Variants in NPAS3 observed in about 807,000 individuals in gnomAD.
The protein encoded by NPAS3 is neuronal PAS domain-containing protein 3.
In NPAS3, 14 loss-of-function variants were observed where a neutral mutation model predicts 73.1. That is an observed-to-expected ratio of 0.19 (90% CI 0.13 to 0.30). The LOEUF is 0.30. Ranked by LOEUF, NPAS3 falls within the 10% of genes least tolerant of loss-of-function variation. The pLI, the probability that NPAS3 is intolerant of heterozygous loss-of-function variation, is 1.00. For missense variants in NPAS3, 1,096 were observed against 1,250.0 expected (o/e 0.88, Z 1.86); for synonymous variants, 620 against 541.5 (o/e 1.14, Z -2.01).
intron 3 of NPAS3, among the ~76,000 whole-genome samples, chr14:33,220,652 C>A (rs2047390504): frequency 6.6e-6 from 1 of 152,122 alleles, no homozygotes; most frequent in South Asian, 2.1e-4. Context: ...GAGAGTATGT[C>A]TCTGAGACTC....
chr14:33,252,608 A>T (rs897834910), intron 3 of NPAS3, among the ~76,000 whole-genome samples: 2 of 151,356 alleles, frequency 1.3e-5, no homozygotes, highest in Non-Finnish European at 3.0e-5. Flanking sequence ...TTACTATTAC[A>T]TATGTTATTT....
At chr14:33,441,557 A>G (rs1185741077) in intron 4 of NPAS3, among the ~76,000 whole-genome samples, 2 of 152,174 alleles carry the variant, frequency 1.3e-5, no homozygotes, top group Non-Finnish European at 2.9e-5. Context: ...AGCCCATCCT[A>G]TTATTGTACT....
intron 4 of NPAS3, among the ~76,000 whole-genome samples, chr14:33,512,379 G>A (rs926241451): frequency 3.9e-5 from 6 of 151,990 alleles, no homozygotes; most frequent in African/African-American, 1.4e-4. Context: ...GAAAAGTTTT[G>A]TAGGACTTTA....
chr14:33,618,968 G>T (rs557417039), intron 5 of NPAS3, among the ~76,000 whole-genome samples: 3 of 152,282 alleles, frequency 2.0e-5, no homozygotes, highest in Non-Finnish European at 4.4e-5. Context: ...ACAGGGAATT[G>T]GTTCTCTAGT....
chr14:33,674,120 T>C (rs1302559208), intron 5 of NPAS3, among the ~76,000 whole-genome samples: 1 of 152,086 alleles, frequency 6.6e-6, no homozygotes. Context: ...CATTATTGTA[T>C]AGGAAGGAAG....
chr14:33,301,888 A>G (rs1176247109), intron 3 of NPAS3, among the ~76,000 whole-genome samples: 10 of 152,030 alleles, frequency 6.6e-5, no homozygotes. Context: ...CTTCCTTATA[A>G]CTCTACAAAT....
chr14:32,971,021 A>G (rs2037396714), intron 1 of NPAS3, among the ~76,000 whole-genome samples: 1 of 149,106 alleles, frequency 6.7e-6, no homozygotes, highest in African/African-American at 2.5e-5. Context: ...GAAGTATGGC[A>G]CTCTCTCTTC....
intron 4 of NPAS3, among the ~76,000 whole-genome samples, chr14:33,371,126 G>A (rs955331692): frequency 3.6e-4 from 55 of 152,224 alleles, no homozygotes; most frequent in African/African-American, 1.3e-3. Flanking sequence ...AGAAAGGAAT[G>A]GACAGAAAGA....
At chr14:33,477,552 C>G (rs897897952) in intron 4 of NPAS3, among the ~76,000 whole-genome samples, 2 of 152,078 alleles carry the variant, frequency 1.3e-5, no homozygotes, top group African/African-American at 4.8e-5. Flanking sequence ...ACACACAGCA[C>G]ACACACACAG....
intron 4 of NPAS3, among the ~76,000 whole-genome samples, chr14:33,434,031 A>C (rs1330290380): frequency 1.3e-5 from 2 of 151,970 alleles, no homozygotes; most frequent in African/African-American, 4.8e-5. Flanking sequence ...TCTTTACTAA[A>C]AATAACAAAA....
At chr14:32,958,618 T>G (rs577907296) in intron 1 of NPAS3, among the ~76,000 whole-genome samples, 13 of 152,308 alleles carry the variant, frequency 8.5e-5, no homozygotes, top group African/African-American at 2.9e-4. Context: ...AACACCAGTT[T>G]CTCATTTGCC....
intron 7 of NPAS3, among the ~76,000 whole-genome samples, chr14:33,767,438 G>C (rs1442776373): frequency 6.6e-6 from 1 of 152,062 alleles, no homozygotes; most frequent in African/African-American, 2.4e-5. Context: ...ACCTGAGCTA[G>C]TGATTTGACG....
chr14:33,170,291 G>A (rs542333740), intron 2 of NPAS3, among the ~76,000 whole-genome samples: 13 of 152,258 alleles, frequency 8.5e-5, no homozygotes, highest in South Asian at 2.1e-4. Context: ...ATAAAAAAGC[G>A]TATGTCTTAA....
intron 6 of NPAS3, among the ~76,000 whole-genome samples, chr14:33,685,013 T>C (rs1429318861): frequency 6.6e-6 from 1 of 152,242 alleles, no homozygotes; most frequent in Non-Finnish European, 1.5e-5. Flanking sequence ...GAAGAACTTG[T>C]ATCTTTTCTC....
chr14:33,543,075 G>T (rs2054594338), intron 4 of NPAS3, among the ~76,000 whole-genome samples: 1 of 152,154 alleles, frequency 6.6e-6, no homozygotes, highest in Non-Finnish European at 1.5e-5. Flanking sequence ...TGCTTGGAGG[G>T]CACAGTTGCT....
chr14:33,223,511 A>G (rs181272048), intron 3 of NPAS3, among the ~76,000 whole-genome samples: 2 of 152,212 alleles, frequency 1.3e-5, no homozygotes, highest in South Asian at 2.1e-4. Context: ...AATTAAACAT[A>G]CCATGTGACT....
intron 3 of NPAS3, among the ~76,000 whole-genome samples, chr14:33,252,791 C>T: frequency 6.6e-6 from 1 of 151,576 alleles, no homozygotes; most frequent in East Asian, 1.9e-4. Context: ...TTGCCCCACT[C>T]CCACCCTCCC....
intron 1 of NPAS3, among the ~76,000 whole-genome samples, chr14:32,950,106 C>T (rs1317323052): frequency 6.6e-6 from 1 of 152,014 alleles, no homozygotes; most frequent in Non-Finnish European, 1.5e-5. Context: ...CCGTTAGTTA[C>T]TTATATGTTG....
At chr14:33,677,210 A>G (rs1395016886) in intron 6 of NPAS3, among the ~76,000 whole-genome samples, 1 of 152,110 alleles carries the variant, frequency 6.6e-6, no homozygotes, top group Non-Finnish European at 1.5e-5. Context: ...TTCTTTGCTG[A>G]TTGGGGCTTT....
Sources: allele counts gnomAD v4.1 joint callset (sites outside exome capture counted in the v4.1 genomes callset), GRCh38; gene constraint gnomAD v4.1.1; transcripts MANE v1.5; gene names NCBI Gene and HGNC (gene_info 2026-07-23, HGNC 2026-07-21).